Variants in MPRIP observed in about 807,000 individuals in gnomAD.
The protein encoded by MPRIP is myosin phosphatase Rho-interacting protein.
A neutral mutation model predicts 234.9 loss-of-function variants in MPRIP; 59 were observed. The ratio of observed to expected loss-of-function variants is 0.25; its 90% CI spans 0.20 to 0.31. MPRIP has a LOEUF of 0.31. Among genes scored for constraint, MPRIP ranks in the 10% least tolerant of loss-of-function variants. MPRIP has a pLI of 1.00. For synonymous variants in MPRIP, 1,144 were observed against 1,263.9 expected (o/e 0.91, Z 2.01); for missense variants, 2,436 against 3,071.0 (o/e 0.79, Z 4.89).
chr17:17,139,071 T>G (rs2090761607), intron 7 of MPRIP, among the ~76,000 whole-genome samples: 1 of 152,228 alleles, frequency 6.6e-6, no homozygotes, highest in Admixed American at 6.5e-5. Context: ...AGAGAAAGTT[T>G]GGACATCCGG....
At chr17:17,153,162 G>A (rs996043250) in intron 12 of MPRIP, among the ~76,000 whole-genome samples, 2 of 152,226 alleles carry the variant, frequency 1.3e-5, no homozygotes, top group Non-Finnish European at 2.9e-5. Context: ...GAGCTGGGCA[G>A]TGGTGGTGTC....
Position 17,164,687 on chromosome 17 carries a change from G to T in MPRIP, c.3096G>T (p.Glu1032Asp). ...YELLLESCEK[E>D]KQALLQNLKE... is the part of the protein sequence containing the mutation. The stretch of plus-strand genomic sequence containing the variant: ...TGCTGCTGGAGAGCTGTGAGAAGGA[G>T]AAGCAGGCATTGCTGCAGAACCTAA... Residue 1032 changes from glutamate (E) to aspartate (D), a missense_variant, in exon 16 of 24, where the codon GAG becomes GAT. Around this residue, in one of 4 missense-constraint regions of MPRIP, gnomAD observed 1,998 missense variants for 2,520.3 expected, o/e 0.79. Transcript: ENST00000651222. 1 of 1,268,372 alleles carries T rather than the reference G, an allele frequency of 7.9e-7. No homozygotes were observed. Among genetic ancestry groups the T allele is most frequent in the East Asian group, 5.6e-5 (1 of 17,716 alleles). 78.6% of individuals were successfully genotyped at this position (1,268,372 alleles called of 1,614,324 possible). A position where few individuals can be genotyped will look rare whatever the true frequency, so the allele number is the denominator to read the frequency against.
At chr17:17,177,438 G>T (rs376763968) in intron 22 of MPRIP, 26 bp downstream of exon 22, 3 of 1,604,698 alleles carry the variant, frequency 1.9e-6, no homozygotes, top group Non-Finnish European at 2.6e-6. Flanking sequence ...ATGCCCTCTC[G>T]GTTATTGCTG....
rs115881948 is a variant in MPRIP at position 17,120,969 on chromosome 17, G to C, written c.268-5733G>C. 6.3e-3 allele frequency among the ~76,000 whole-genome samples: 953 copies of C among 152,286 alleles called. 9 individuals carry two copies. Among genetic ancestry groups the C allele is most frequent in the African/African-American group, 0.022 (908 of 41,548 alleles). ...GGAGGGGAGAGGTGCTGGCTGAGGG[G>C]CTCCCTGGAGCCATTGGTTGAGTCT... On this transcript the variant is annotated intron_variant, in intron 3 of 23. Coordinates refer to ENST00000651222, the MANE Select transcript of MPRIP (RefSeq NM_001364716.4).
intron 13 of MPRIP, among the ~76,000 whole-genome samples, chr17:17,155,865 G>A (rs1168025507): frequency 1.3e-5 from 2 of 152,236 alleles, no homozygotes; most frequent in African/African-American, 4.8e-5. Context: ...ACATCCTGTG[G>A]TGGCCTCAGC....
chr17:17,092,967 A>T (rs1202136701), intron 3 of MPRIP, among the ~76,000 whole-genome samples: 1 of 152,146 alleles, frequency 6.6e-6, no homozygotes, highest in Non-Finnish European at 1.5e-5. Flanking sequence ...GCCATTTGAG[A>T]AGTCCTGGGT....
chr17:17,144,654 G>A (rs2045417400), intron 9 of MPRIP, among the ~76,000 whole-genome samples: 1 of 152,144 alleles, frequency 6.6e-6, no homozygotes, highest in Non-Finnish European at 1.5e-5. Context: ...TCAAGAGATC[G>A]AGACCATCCT....
chr17:17,191,890 A>G lies in MPRIP; in HGVS notation c.*6996A>G, dbSNP rs1231654892. The G allele has an allele frequency of 6.6e-6, 1 of 152,364 alleles. No homozygotes were observed. Among genetic ancestry groups the G allele is most frequent in the African/African-American group, 2.4e-5 (1 of 41,582 alleles). 9.4% of individuals were successfully genotyped at this position (152,364 alleles called of 1,614,324 possible). On this transcript the variant is annotated 3_prime_UTR_variant, in exon 24 of 24. Coordinates refer to ENST00000651222, the MANE Select transcript of MPRIP (RefSeq NM_001364716.4). Reference sequence around the variant, plus strand: ...TACCTTTAGTATTAACAACGTATCTACTGACATACTGTTAGGATTCAAAAC... The same window carrying G: ...TACCTTTAGTATTAACAACGTATCTGCTGACATACTGTTAGGATTCAAAAC...
At chr17:17,060,552 T>G (rs1248031161) in intron 1 of MPRIP, among the ~76,000 whole-genome samples, 2 of 152,154 alleles carry the variant, frequency 1.3e-5, no homozygotes, top group Non-Finnish European at 2.9e-5. Flanking sequence ...TCCTGGGGTA[T>G]AAAATGGAGG....
rs1172635094 is a variant in MPRIP, at chr17:17,185,978, T to C, written c.*1084T>C. The stretch of plus-strand genomic sequence containing the variant: ...AAAGAGCCTGGTTAAAGTAAACCTA[T>C]ACTAACAATTTTGCTTTTTCTAACA... On this transcript the variant is annotated 3_prime_UTR_variant, in exon 24 of 24. Transcript: ENST00000651222. The C allele has an allele frequency of 6.4e-6, 1 of 156,074 alleles. No homozygotes were observed. Among genetic ancestry groups the C allele is most frequent in the Non-Finnish European group, 1.4e-5 (1 of 70,654 alleles). The allele number at this position is 156,074 out of a possible 1,614,324, so 9.7% of individuals were successfully genotyped here.
At chr17:17,158,225 C>G (rs1455056702) in intron 13 of MPRIP, among the ~76,000 whole-genome samples, 1 of 152,228 alleles carries the variant, frequency 6.6e-6, no homozygotes, top group Admixed American at 6.5e-5. Flanking sequence ...CCCCCTCCCC[C>G]TCCCCCACTC....
intron 1 of MPRIP, among the ~76,000 whole-genome samples, chr17:17,073,794 A>G (rs1354253017): frequency 6.6e-6 from 1 of 152,206 alleles, no homozygotes; most frequent in Admixed American, 6.5e-5. Flanking sequence ...TAGAGAGCAC[A>G]GACCTCTCCT....
At chr17:17,065,011 G>GT (rs1411803820) in intron 1 of MPRIP, among the ~76,000 whole-genome samples, 8 of 151,772 alleles carry the variant, frequency 5.3e-5, no homozygotes, top group Non-Finnish European at 8.8e-5. Flanking sequence ...GTCACCATTT[G>GT]TTTTTTTTAG....
At chr17:17,140,323 T>C (rs1292231624) in intron 7 of MPRIP, among the ~76,000 whole-genome samples, 1 of 152,146 alleles carries the variant, frequency 6.6e-6, no homozygotes, top group Non-Finnish European at 1.5e-5. Context: ...ACAGGTGCAG[T>C]CTCTGGGGCT....
At chr17:17,103,127 T>A (rs192692552) in intron 3 of MPRIP, among the ~76,000 whole-genome samples, 2 of 152,202 alleles carry the variant, frequency 1.3e-5, no homozygotes, top group Admixed American at 1.3e-4. Context: ...GAGCGAGTAC[T>A]GGACTAAGTC....
intron 1 of MPRIP, among the ~76,000 whole-genome samples, chr17:17,065,691 A>C (rs529337574): frequency 6.6e-6 from 1 of 152,080 alleles, no homozygotes; most frequent in Non-Finnish European, 1.5e-5. Flanking sequence ...AATCTTGTCC[A>C]TATCTATAAA....
At chr17:17,122,554 C>T (rs193233719) in intron 3 of MPRIP, among the ~76,000 whole-genome samples, 5 of 152,196 alleles carry the variant, frequency 3.3e-5, no homozygotes, top group African/African-American at 1.2e-4. Flanking sequence ...AGGGTTTCAC[C>T]GTGTTAGCCA....
rs2046521479 is a variant in MPRIP at position 17,188,484 on chromosome 17, C to T, written c.*3590C>T. 1 of 152,290 alleles carries T rather than the reference C, an allele frequency of 6.6e-6. No individual in the cohort carries two copies. Among genetic ancestry groups the T allele is most frequent in the South Asian group, 2.1e-4 (1 of 4,832 alleles). The allele number at this position is 152,290 out of a possible 1,614,324, so 9.4% of individuals were successfully genotyped here. On this transcript the variant is annotated 3_prime_UTR_variant, in exon 24 of 24. Coordinates refer to ENST00000651222, the MANE Select transcript of MPRIP (RefSeq NM_001364716.4). ...CTGCAGCAGCCACCAGCTCCCATCA[C>T]CCCTTGACCCTCCAGCTCATGCTGG... is the stretch of plus-strand genomic sequence containing the variant.
At chr17:17,147,032 A>G (rs907721402) in intron 10 of MPRIP, among the ~76,000 whole-genome samples, 1 of 152,224 alleles carries the variant, frequency 6.6e-6, no homozygotes, top group African/African-American at 2.4e-5. Context: ...CCTGGCCACC[A>G]GCCACACCAT....
Sources: gnomAD v4.1 joint callset for allele counts (sites outside exome capture counted in the v4.1 genomes callset) on GRCh38, gnomAD v4.1.1 for gene constraint, gnomAD v4.1.1 regional missense constraint, MANE v1.5 for transcripts, NCBI Gene and HGNC (gene_info 2026-07-23, HGNC 2026-07-21) for gene names.